OPCML: variants seen among roughly 807,000 people sequenced by gnomAD.
OPCML encodes opioid-binding protein/cell adhesion molecule.
A neutral mutation model predicts 37.8 loss-of-function variants in OPCML; 13 were observed. That is an observed-to-expected ratio of 0.34 (90% CI 0.22 to 0.55). The LOEUF is 0.55. OPCML is among the 20% of genes least tolerant of loss of function. The pLI is 0.91. For missense variants in OPCML, 341 were observed against 435.6 expected, an observed-to-expected ratio of 0.78 and a Z score of 1.93; for synonymous variants, 176 against 168.8, an observed-to-expected ratio of 1.04 and a Z score of -0.33.
At chr11:132,440,289 T>C (rs1357398187) in intron 4 of OPCML, among the ~76,000 whole-genome samples, 3 of 152,138 alleles carry the variant, frequency 2.0e-5, no homozygotes, top group Non-Finnish European at 4.4e-5. Context: ...GTCAAGTTTG[T>C]ACAATGTGCT....
intron 1 of OPCML, among the ~76,000 whole-genome samples, chr11:133,386,323 G>A (rs1441790549): frequency 2.6e-5 from 4 of 152,166 alleles, no homozygotes; most frequent in Non-Finnish European, 5.9e-5. Context: ...GACTTTTGTT[G>A]GAGTGGTAAC....
At chr11:133,213,420 G>T (rs1425171714) in intron 1 of OPCML, among the ~76,000 whole-genome samples, 1 of 152,100 alleles carries the variant, frequency 6.6e-6, no homozygotes, top group East Asian at 1.9e-4. Context: ...ATAGGTAACA[G>T]CTAAAGTTAA....
intron 1 of OPCML, among the ~76,000 whole-genome samples, chr11:133,220,105 C>G (rs116980856): frequency 0.016 from 2,403 of 152,106 alleles, 31 homozygotes; most frequent in Non-Finnish European, 0.024. Context: ...GCTTCAACAC[C>G]CTTCCCATTC....
intron 2 of OPCML, among the ~76,000 whole-genome samples, chr11:132,755,787 C>A (rs748101961): frequency 5.3e-5 from 8 of 152,116 alleles, no homozygotes; most frequent in Non-Finnish European, 7.3e-5. Context: ...CCACAACCAC[C>A]AACAAAGCAA....
intron 1 of OPCML, among the ~76,000 whole-genome samples, chr11:133,325,070 G>A (rs1310615744): frequency 6.6e-6 from 1 of 152,166 alleles, no homozygotes; most frequent in Admixed American, 6.5e-5. Context: ...CCTGGAGAGG[G>A]GAGGGGAGAC....
chr11:132,793,786 G>A lies in OPCML; in HGVS notation c.147-136467C>T, dbSNP rs527246638. ...CCCATGGGACTACTGCCCTAGGCCC[G>A]GTCCTCTTCATCTCCTGCTGAGTTC... On this transcript the variant is annotated intron_variant, in intron 2 of 7. Transcript: ENST00000524381. Among the ~76,000 whole-genome samples, 9 of 152,204 alleles carry A rather than the reference G, an allele frequency of 5.9e-5. No homozygotes were observed. The South Asian group carries it at 1.0e-3, about 18-fold the overall frequency.
At chr11:133,308,183 G>T (rs781053567) in intron 1 of OPCML, among the ~76,000 whole-genome samples, 24 of 152,064 alleles carry the variant, frequency 1.6e-4, no homozygotes, top group Non-Finnish European at 3.2e-4. Flanking sequence ...TGTATCCAAG[G>T]TGAACAAAAA....
rs531819113 is a variant in OPCML, at chr11:132,895,288, G to A, written c.146+47638C>T. 5.2e-4 allele frequency among the ~76,000 whole-genome samples: 79 copies of A among 152,286 alleles called. 1 individual carries two copies. Among genetic ancestry groups the A allele is most frequent in the Middle Eastern group, 3.4e-3 (1 of 294 alleles). On this transcript the variant is annotated intron_variant, in intron 2 of 7. Transcript: ENST00000524381. ...CCCTTAACATTTGTGCAGAACCAAC[G>A]AATATAATGACTTTGGTTGGTTGCT...
chr11:132,880,595 T>C (rs76398933), intron 2 of OPCML, among the ~76,000 whole-genome samples: 8,202 of 152,256 alleles, frequency 0.054, 480 homozygotes, highest in African/African-American at 0.15. Context: ...ATGTAAAACA[T>C]TGTTAGGCCA....
At chr11:132,457,758 C>A (rs2096087400) in intron 4 of OPCML, among the ~76,000 whole-genome samples, 1 of 152,202 alleles carries the variant, frequency 6.6e-6, no homozygotes, top group African/African-American at 2.4e-5. Flanking sequence ...CCCCAGCTGC[C>A]TGGTGTACGG....
chr11:133,200,408 T>C (rs1938724031), intron 1 of OPCML, among the ~76,000 whole-genome samples: 3 of 152,236 alleles, frequency 2.0e-5, no homozygotes, highest in African/African-American at 4.8e-5. Flanking sequence ...AATATTTTTC[T>C]CTTCACATAA....
chr11:133,212,977 C>T lies in OPCML; in HGVS notation c.62-269967G>A, dbSNP rs769022754. Among the ~76,000 whole-genome samples the T allele has an allele frequency of 2.6e-5, 4 of 152,146 alleles. No homozygotes were observed. Among genetic ancestry groups the T allele is most frequent in the African/African-American group, 9.7e-5 (4 of 41,434 alleles). ...TATGTTGATGATACTGGGCTGGACA[C>T]CTTAAATTCTAGTGCTATATTACAA... On this transcript the variant is annotated intron_variant, in intron 1 of 7. Coordinates refer to ENST00000524381, the MANE Select transcript of OPCML (RefSeq NM_001012393.5). The surrounding 1 kb of genome is among the most constrained non-coding windows in gnomAD (Gnocchi z 4.9).
At chr11:132,466,957 C>A (rs933546099) in intron 4 of OPCML, among the ~76,000 whole-genome samples, 2 of 152,168 alleles carry the variant, frequency 1.3e-5, no homozygotes, top group South Asian at 2.1e-4. Context: ...CACCTAATAT[C>A]TTTTCCTTTG....
chr11:132,980,657 C>T (rs1361353826), intron 1 of OPCML, among the ~76,000 whole-genome samples: 6 of 152,222 alleles, frequency 3.9e-5, no homozygotes, highest in East Asian at 1.9e-4. Flanking sequence ...CAAGGATGTA[C>T]GTTTCCATCT....
At chr11:133,316,009 C>A (rs1943197755) in intron 1 of OPCML, among the ~76,000 whole-genome samples, 2 of 152,050 alleles carry the variant, frequency 1.3e-5, no homozygotes, top group South Asian at 2.1e-4. Context: ...ATAGGCAAGA[C>A]AAATGAGCAA....
intron 7 of OPCML, 166 bp from the exon 8 acceptor site, chr11:132,420,459 AG>A (rs757110574): frequency 8.7e-6 from 8 of 924,488 alleles, no homozygotes; most frequent in Non-Finnish European, 1.0e-5. Context: ...AGGAACTCAA[AG>A]GGGCAAGCTG....
intron 2 of OPCML, among the ~76,000 whole-genome samples, chr11:132,881,312 T>C (rs1274177861): frequency 1.3e-5 from 2 of 152,224 alleles, no homozygotes; most frequent in African/African-American, 2.4e-5. Context: ...AGATACTTAT[T>C]GGAGCGCCAC....
intron 1 of OPCML, among the ~76,000 whole-genome samples, chr11:133,036,175 G>C (rs920769729): frequency 2.6e-5 from 4 of 152,192 alleles, no homozygotes; most frequent in African/African-American, 9.7e-5. Flanking sequence ...GTGGCTACTG[G>C]ACAACAAATG....
chr11:132,846,602 T>A (rs760565818), intron 2 of OPCML, among the ~76,000 whole-genome samples: 5 of 152,210 alleles, frequency 3.3e-5, no homozygotes, highest in Non-Finnish European at 7.3e-5. Context: ...AATCTTAGGA[T>A]TGAAGCAGCT....
Sources: allele counts gnomAD v4.1 joint callset (sites outside exome capture counted in the v4.1 genomes callset), GRCh38; gene constraint gnomAD v4.1.1; non-coding constraint Gnocchi (gnomAD v3.1); transcripts MANE v1.5; gene names NCBI Gene and HGNC (gene_info 2026-07-23, HGNC 2026-07-21).